FHIT: variants seen among roughly 807,000 people sequenced by gnomAD.
FHIT encodes fragile histidine triad diadenosine triphosphatase.
FHIT carries 19 observed loss-of-function variants against 17.9 expected under a neutral mutation model. That is an observed-to-expected ratio of 1.06 (90% CI 0.74 to 1.56). The LOEUF (loss-of-function observed/expected upper bound fraction) is 1.56, where lower values mean the gene tolerates loss of function less well. Ranked by LOEUF, FHIT falls within the 40% of genes most tolerant of loss-of-function variation. The probability of loss-of-function intolerance (pLI) is 0.00; values close to 1 mark genes in which losing one functional copy is unlikely to be tolerated. For missense variants in FHIT, 248 were observed against 189.2 expected, an observed-to-expected ratio of 1.31 and a Z score of -1.82; for synonymous variants, 81 against 69.7, an observed-to-expected ratio of 1.16 and a Z score of -0.81.
chr3:60,047,071 T>A (rs931323355), intron 5 of FHIT, among the ~76,000 whole-genome samples: 18 of 152,218 alleles, frequency 1.2e-4, no homozygotes, highest in African/African-American at 4.1e-4. Context: ...ATTCACACAG[T>A]GAATAGTGAC....
chr3:60,018,823 C>A (rs1700444054), intron 5 of FHIT, among the ~76,000 whole-genome samples: 1 of 151,428 alleles, frequency 6.6e-6, no homozygotes, highest in Non-Finnish European at 1.5e-5. Context: ...ACTAAAAATA[C>A]AAAAAAAACA....
At chr3:60,638,464 T>C (rs2039644208) in intron 4 of FHIT, among the ~76,000 whole-genome samples, 1 of 152,216 alleles carries the variant, frequency 6.6e-6, no homozygotes, top group Non-Finnish European at 1.5e-5. Flanking sequence ...GGGATAATAG[T>C]ACATTACATC....
chr3:61,236,571 G>A (rs1427332146), intron 1 of FHIT, among the ~76,000 whole-genome samples: 1 of 152,114 alleles, frequency 6.6e-6, no homozygotes, highest in Non-Finnish European at 1.5e-5. Context: ...TGTTGGAGAG[G>A]AATAGGACTT....
At chr3:60,913,155 A>G (rs954787115) in intron 3 of FHIT, among the ~76,000 whole-genome samples, 35 of 152,362 alleles carry the variant, frequency 2.3e-4, no homozygotes, top group Admixed American at 6.5e-4. Context: ...GAGGAAAGCT[A>G]GACTTGAAGA....
chr3:60,450,681 T>A (rs184454714), intron 5 of FHIT, among the ~76,000 whole-genome samples: 1 of 152,024 alleles, frequency 6.6e-6, no homozygotes, highest in African/African-American at 2.4e-5. Flanking sequence ...AGTGGGGAAT[T>A]TGGGGATGAA....
At chr3:60,647,763 A>G (rs1242074588) in intron 4 of FHIT, among the ~76,000 whole-genome samples, 8 of 152,180 alleles carry the variant, frequency 5.3e-5, no homozygotes, top group Non-Finnish European at 1.2e-4. Flanking sequence ...AAATAACTTG[A>G]TATGTTTTAC....
intron 4 of FHIT, among the ~76,000 whole-genome samples, chr3:60,563,636 G>A (rs1001496557): frequency 2.4e-4 from 37 of 152,206 alleles, no homozygotes; most frequent in Admixed American, 1.0e-3. Flanking sequence ...AACACTTATT[G>A]CTGATAGGGA....
At chr3:60,331,564 G>C (rs115854897) in intron 5 of FHIT, among the ~76,000 whole-genome samples, 2 of 152,212 alleles carry the variant, frequency 1.3e-5, no homozygotes, top group East Asian at 3.9e-4. Context: ...AAATATACTC[G>C]GTCCGGGTAT....
chr3:61,043,322 G>A (rs1410592127), intron 2 of FHIT, among the ~76,000 whole-genome samples: 3 of 151,446 alleles, frequency 2.0e-5, no homozygotes, highest in African/African-American at 7.3e-5. Flanking sequence ...GCCTAGCTCG[G>A]AGGGTCCCAC....
intron 3 of FHIT, among the ~76,000 whole-genome samples, chr3:60,905,206 T>G (rs1349216330): frequency 1.3e-5 from 2 of 152,166 alleles, no homozygotes; most frequent in East Asian, 1.9e-4. Flanking sequence ...CGAAAACTCT[T>G]CTTAACAAAA....
intron 5 of FHIT, among the ~76,000 whole-genome samples, chr3:60,215,972 C>G (rs1703677607): frequency 6.6e-6 from 1 of 152,118 alleles, no homozygotes; most frequent in Non-Finnish European, 1.5e-5. Context: ...GACATACACT[C>G]CAAGTATTTG....
At chr3:61,237,855 T>A (rs969284510) in intron 1 of FHIT, among the ~76,000 whole-genome samples, 1 of 152,186 alleles carries the variant, frequency 6.6e-6, no homozygotes, top group Non-Finnish European at 1.5e-5. Flanking sequence ...AAGTGAGTCC[T>A]CAGGGTCAGA....
intron 4 of FHIT, among the ~76,000 whole-genome samples, chr3:60,635,706 G>A (rs965753346): frequency 6.6e-6 from 1 of 152,106 alleles, no homozygotes; most frequent in African/African-American, 2.4e-5. Context: ...AGACTGCATA[G>A]TAAGTGGCCG....
chr3:60,078,070 G>A (rs892388893), intron 5 of FHIT, among the ~76,000 whole-genome samples: 8 of 151,950 alleles, frequency 5.3e-5, no homozygotes, highest in Non-Finnish European at 1.0e-4. Context: ...AAATTAGAAA[G>A]TTACCATTTA....
chr3:60,126,507 G>A (rs556525471), intron 5 of FHIT, among the ~76,000 whole-genome samples: 4 of 152,092 alleles, frequency 2.6e-5, no homozygotes, highest in Admixed American at 6.6e-5. Flanking sequence ...CCGTTTATTG[G>A]ACACATATCC....
chr3:60,309,465 G>A (rs1490015183), intron 5 of FHIT, among the ~76,000 whole-genome samples: 3 of 151,394 alleles, frequency 2.0e-5, no homozygotes, highest in African/African-American at 7.3e-5. Flanking sequence ...GATTATGACA[G>A]TCCCAAGATG....
At chr3:61,156,043 G>A (rs1214553894) in intron 2 of FHIT, among the ~76,000 whole-genome samples, 2 of 152,146 alleles carry the variant, frequency 1.3e-5, no homozygotes, top group Non-Finnish European at 2.9e-5. Flanking sequence ...AAGCTTCTCT[G>A]TTGGACAACA....
intron 7 of FHIT, among the ~76,000 whole-genome samples, chr3:60,005,083 T>A (rs62238371): frequency 0.095 from 14,408 of 152,084 alleles, 945 homozygotes; most frequent in South Asian, 0.21. Flanking sequence ...GGCCCCAGAG[T>A]CCTCCCTCTT....
intron 5 of FHIT, among the ~76,000 whole-genome samples, chr3:60,237,221 T>A (rs1009605771): frequency 6.6e-6 from 1 of 151,964 alleles, no homozygotes; most frequent in African/African-American, 2.4e-5. Flanking sequence ...TATTTCTCCA[T>A]ATCCTTAAAA....
Sources: allele counts gnomAD v4.1 joint callset (sites outside exome capture counted in the v4.1 genomes callset), GRCh38; gene constraint gnomAD v4.1.1; transcripts MANE v1.5; gene names NCBI Gene and HGNC (gene_info 2026-07-23, HGNC 2026-07-21).